CHST9: variants seen among roughly 807,000 people sequenced by gnomAD.
The protein encoded by CHST9 is carbohydrate sulfotransferase 9.
Under a neutral mutation model 44.4 loss-of-function variants are expected in CHST9, and 41 were observed. The ratio of observed to expected loss-of-function variants is 0.92; its 90% CI spans 0.72 to 1.20. CHST9 has a LOEUF of 1.20. Ranked by LOEUF, CHST9 falls within the 50% of genes most tolerant of loss-of-function variation. The pLI, the probability that CHST9 is intolerant of heterozygous loss-of-function variation, is 0.00. For missense variants in CHST9, 504 were observed against 516.5 expected (o/e 0.98, Z 0.23); for synonymous variants, 171 against 178.4 (o/e 0.96, Z 0.33).
At chr18:26,921,014 C>T (rs1274126020) in intron 5 of CHST9, among the ~76,000 whole-genome samples, 1 of 152,130 alleles carries the variant, frequency 6.6e-6, no homozygotes, top group Non-Finnish European at 1.5e-5. Context: ...TCAACAAGAT[C>T]CCCAGGTACT....
Position 26,992,713 on chromosome 18 carries a change from A to T in CHST9, c.202+31403T>A, listed in dbSNP as rs73402840. Among the ~76,000 whole-genome samples the T allele has an allele frequency of 9.8e-4, 149 of 152,228 alleles. 1 individual carries two copies. The highest frequency in any genetic ancestry group is 3.5e-3 in the African/African-American group (145 of 41,540). Reference sequence around the variant, plus strand: ...AATGGCCTGTTTAACATTTCACATGATGCGTTAACACTGGAAAAGGAGAAG... The same window carrying T: ...AATGGCCTGTTTAACATTTCACATGTTGCGTTAACACTGGAAAAGGAGAAG... On this transcript the variant is annotated intron_variant, in intron 4 of 5. Transcript: ENST00000618847.
At chr18:27,072,945 C>T (rs989648350) in intron 2 of CHST9, among the ~76,000 whole-genome samples, 3 of 152,120 alleles carry the variant, frequency 2.0e-5, no homozygotes, top group Non-Finnish European at 2.9e-5. Flanking sequence ...TGAAGAGTCT[C>T]AGGTTACATT....
At chr18:26,929,075 A>G (rs936903070) in intron 5 of CHST9, among the ~76,000 whole-genome samples, 7 of 152,138 alleles carry the variant, frequency 4.6e-5, no homozygotes, top group African/African-American at 1.7e-4. Flanking sequence ...AGAGGTCTCA[A>G]TTCTGTCTTC....
chr18:27,129,723 T>G (rs72884359), intron 2 of CHST9, among the ~76,000 whole-genome samples: 10,315 of 152,234 alleles, frequency 0.068, 445 homozygotes, highest in East Asian at 0.14. Flanking sequence ...TACCTCAGTT[T>G]GAAAATAAAA....
Position 26,958,837 on chromosome 18 carries a change from T to C in CHST9, c.203-14471A>G, listed in dbSNP as rs770432293. Among the ~76,000 whole-genome samples the C allele has an allele frequency of 3.3e-5, 5 of 152,176 alleles. No individual in the cohort carries two copies. In the East Asian group the frequency reaches 7.7e-4, roughly 23 times the overall value. ...GAAACAGCACATGCTGGCGAGGCCA[T>C]GGAGGAAAGGGAATGCTTATACACT... On this transcript the variant is annotated intron_variant, in intron 4 of 5. Transcript: ENST00000618847.
intron 2 of CHST9, among the ~76,000 whole-genome samples, chr18:27,122,791 A>T (rs1279874812): frequency 6.6e-6 from 1 of 152,206 alleles, no homozygotes; most frequent in Non-Finnish European, 1.5e-5. Flanking sequence ...TATTTTGGTT[A>T]TCATATGAAG....
At chr18:27,087,220 T>A (rs2058021682) in intron 2 of CHST9, among the ~76,000 whole-genome samples, 1 of 152,172 alleles carries the variant, frequency 6.6e-6, no homozygotes, top group African/African-American at 2.4e-5. Context: ...TAAAAATTTA[T>A]GTTTATTGAC....
At chr18:27,173,612 CAT>C (rs2058848222) in intron 1 of CHST9, among the ~76,000 whole-genome samples, 1 of 151,864 alleles carries the variant, frequency 6.6e-6, no homozygotes, top group Non-Finnish European at 1.5e-5. Flanking sequence ...TTGCCTGAAA[CAT>C]ATTCTTCTAA....
rs115749874 is a variant in CHST9 at position 27,027,185 on chromosome 18, A to G, written c.161-3028T>C. Among the ~76,000 whole-genome samples, 1,413 of 152,294 alleles carry G rather than the reference A, an allele frequency of 9.3e-3. 20 individuals are homozygous for G. The highest frequency in any genetic ancestry group is 0.033 in the African/African-American group (1,352 of 41,566). On this transcript the variant is annotated intron_variant, in intron 3 of 5. Coordinates refer to ENST00000618847, the MANE Select transcript of CHST9 (RefSeq NM_031422.6). Reference sequence around the variant, plus strand: ...ATTCTTCTGGCCATGTGATAAATTAATTTAGTTGTTTGTCATCATCCTTAT... The same window carrying G: ...ATTCTTCTGGCCATGTGATAAATTAGTTTAGTTGTTTGTCATCATCCTTAT...
chr18:27,115,765 G>A (rs757435218), intron 2 of CHST9, among the ~76,000 whole-genome samples: 1 of 152,056 alleles, frequency 6.6e-6, no homozygotes, highest in East Asian at 1.9e-4. Context: ...CTCCCACCTT[G>A]GACTCCCAAA....
chr18:26,983,196 T>C lies in CHST9; in HGVS notation c.203-38830A>G, dbSNP rs1225051250. Among the ~76,000 whole-genome samples, 5 of 152,214 alleles carry C rather than the reference T, an allele frequency of 3.3e-5. No individual in the cohort carries two copies. In the East Asian group the frequency reaches 9.6e-4, roughly 29 times the overall value. On this transcript the variant is annotated intron_variant, in intron 4 of 5. Coordinates refer to ENST00000618847, the MANE Select transcript of CHST9 (RefSeq NM_031422.6). ...AGAAAGTATAGGTCCTAGACCAGTGTGTTTCAAATTTAGTGGACATCAGAA... is the reference window on the plus strand; with the variant it reads ...AGAAAGTATAGGTCCTAGACCAGTGCGTTTCAAATTTAGTGGACATCAGAA...
intron 4 of CHST9, among the ~76,000 whole-genome samples, chr18:26,957,397 A>G (rs1279543176): frequency 1.3e-5 from 2 of 152,160 alleles, no homozygotes; most frequent in South Asian, 2.1e-4. Context: ...GTACTAATAT[A>G]GATAGTGTAG....
At chr18:26,976,256 ACT>A (rs1259692151) in intron 4 of CHST9, among the ~76,000 whole-genome samples, 4 of 151,870 alleles carry the variant, frequency 2.6e-5, no homozygotes, top group Non-Finnish European at 5.9e-5. Context: ...CAGTAATCTG[ACT>A]CTCTCCCTGA....
chr18:27,069,924 T>G (rs1036506466), intron 2 of CHST9, among the ~76,000 whole-genome samples: 1 of 152,194 alleles, frequency 6.6e-6, no homozygotes, highest in African/African-American at 2.4e-5. Flanking sequence ...ATGAACTGTT[T>G]TAAGAACATG....
At chr18:27,121,173 T>C (rs1440501225) in intron 2 of CHST9, among the ~76,000 whole-genome samples, 1 of 152,104 alleles carries the variant, frequency 6.6e-6, no homozygotes, top group Admixed American at 6.5e-5. Context: ...TTTTAAAATT[T>C]ATTTTATTTT....
chr18:26,921,851 G>T (rs1482748260), intron 5 of CHST9, among the ~76,000 whole-genome samples: 1 of 152,038 alleles, frequency 6.6e-6, no homozygotes, highest in African/African-American at 2.4e-5. Context: ...TTTTTGAAAA[G>T]GTCCTATTAC....
chr18:27,130,601 C>T (rs2058463336), intron 2 of CHST9, among the ~76,000 whole-genome samples: 1 of 152,132 alleles, frequency 6.6e-6, no homozygotes, highest in Non-Finnish European at 1.5e-5. Flanking sequence ...CGCAATTCAG[C>T]CCCTTATAGC....
At chr18:27,140,070 TAA>T (rs1463286546) in intron 2 of CHST9, among the ~76,000 whole-genome samples, 2 of 152,216 alleles carry the variant, frequency 1.3e-5, no homozygotes, top group African/African-American at 2.4e-5. Flanking sequence ...AGCTACAGGT[TAA>T]GTCATTTAAA....
At chr18:27,156,309 G>C (rs1160802390) in intron 1 of CHST9, among the ~76,000 whole-genome samples, 2 of 152,004 alleles carry the variant, frequency 1.3e-5, no homozygotes, top group African/African-American at 2.4e-5. Flanking sequence ...AGTTTGAAAT[G>C]TCAGAAAAGA....
Sources: allele counts gnomAD v4.1 joint callset (sites outside exome capture counted in the v4.1 genomes callset), GRCh38; gene constraint gnomAD v4.1.1; transcripts MANE v1.5; gene names NCBI Gene and HGNC (gene_info 2026-07-23, HGNC 2026-07-21).